Variants in PLPPR1 observed in about 807,000 individuals in gnomAD.
PLPPR1 encodes phospholipid phosphatase related 1, also known as phospholipid phosphatase-related protein type 1.
Under a neutral mutation model 33.1 loss-of-function variants are expected in PLPPR1, and 10 were observed. The observed-to-expected ratio is 0.30, with a 90% CI of 0.19 to 0.51. PLPPR1 has a LOEUF of 0.51. PLPPR1 is among the 20% of genes least tolerant of loss of function. The pLI is 0.97. For missense variants in PLPPR1, 304 were observed against 408.1 expected (o/e 0.74, Z 2.20); for synonymous variants, 151 against 151.0 (o/e 1.00, Z 0.00).
At chr9:101,143,459 A>T (rs1259752017) in intron 1 of PLPPR1, among the ~76,000 whole-genome samples, 1 of 152,188 alleles carries the variant, frequency 6.6e-6, no homozygotes, top group African/African-American at 2.4e-5. Context: ...GCTTCTGCAC[A>T]GCGAAATAAA....
intron 1 of PLPPR1, among the ~76,000 whole-genome samples, chr9:101,118,932 G>C (rs1468922083): frequency 6.6e-6 from 1 of 151,452 alleles, no homozygotes; most frequent in Non-Finnish European, 1.5e-5. Context: ...CAAAGACATG[G>C]CAGGTAAAAT....
At chr9:101,165,882 C>T (rs975305286) in intron 1 of PLPPR1, among the ~76,000 whole-genome samples, 25 of 152,280 alleles carry the variant, frequency 1.6e-4, no homozygotes, top group African/African-American at 6.0e-4. Flanking sequence ...TTTGAATTCA[C>T]TCTCCTGCCT....
intron 1 of PLPPR1, among the ~76,000 whole-genome samples, chr9:101,092,688 G>A (rs2118534808): frequency 6.6e-6 from 1 of 152,152 alleles, no homozygotes; most frequent in Non-Finnish European, 1.5e-5. Flanking sequence ...CTCGGCTCAG[G>A]GCTCACCTCT....
At chr9:101,040,062 G>A (rs1433766452) in intron 1 of PLPPR1, among the ~76,000 whole-genome samples, 1 of 152,090 alleles carries the variant, frequency 6.6e-6, no homozygotes, top group East Asian at 1.9e-4. Context: ...ATAGCAAGAG[G>A]TGGGAAAATG....
At chr9:101,157,462 A>G (rs569587631) in intron 1 of PLPPR1, among the ~76,000 whole-genome samples, 1 of 152,324 alleles carries the variant, frequency 6.6e-6, no homozygotes, top group South Asian at 2.1e-4. Flanking sequence ...TAAAAGAGTC[A>G]TCAATCCTGA....
chr9:101,238,331 A>ACAT (rs1827372813), intron 2 of PLPPR1, among the ~76,000 whole-genome samples: 2 of 118,446 alleles, frequency 1.7e-5, no homozygotes, highest in African/African-American at 3.5e-5. Flanking sequence ...ATGTATATAT[A>ACAT]CCTCTCTATA....
At chr9:101,122,522 T>C (rs1262512419) in intron 1 of PLPPR1, among the ~76,000 whole-genome samples, 2 of 152,202 alleles carry the variant, frequency 1.3e-5, no homozygotes, top group Admixed American at 6.5e-5. Context: ...TCAAAATCTC[T>C]GCAAGCTTTA....
chr9:101,130,699 T>C (rs189615650), intron 1 of PLPPR1, among the ~76,000 whole-genome samples: 142 of 152,326 alleles, frequency 9.3e-4, no homozygotes, highest in African/African-American at 3.2e-3. Context: ...AAATCACTTC[T>C]GGGCGCTTAT....
intron 2 of PLPPR1, among the ~76,000 whole-genome samples, chr9:101,196,517 T>C (rs757788134): frequency 1.1e-4 from 16 of 152,216 alleles, no homozygotes; most frequent in Non-Finnish European, 2.4e-4. Flanking sequence ...AGAGTATTGG[T>C]TTTAAAATTC....
chr9:101,068,471 AT>A (rs534606165), intron 1 of PLPPR1, among the ~76,000 whole-genome samples: 15 of 151,940 alleles, frequency 9.9e-5, no homozygotes, highest in South Asian at 6.2e-4. Context: ...CATTTTCAAT[AT>A]TTTTTTTCTC....
chr9:101,048,011 G>C (rs1481455338), intron 1 of PLPPR1, among the ~76,000 whole-genome samples: 3 of 152,160 alleles, frequency 2.0e-5, no homozygotes, highest in African/African-American at 7.2e-5. Flanking sequence ...ATACCGGTAG[G>C]TGGACCCCAG....
chr9:101,173,664 C>A (rs759963429), intron 1 of PLPPR1, among the ~76,000 whole-genome samples: 8 of 152,108 alleles, frequency 5.3e-5, no homozygotes, highest in African/African-American at 7.2e-5. Flanking sequence ...AGTTTCTTCA[C>A]CAGCTCAAAA....
At chr9:101,181,154 ATG>A (rs1283404001) in intron 1 of PLPPR1, among the ~76,000 whole-genome samples, 1 of 147,390 alleles carries the variant, frequency 6.8e-6, no homozygotes, top group African/African-American at 2.5e-5. Flanking sequence ...TATATTAGAT[ATG>A]TAATATATAT....
At chr9:101,208,297 T>C (rs1400095319) in intron 2 of PLPPR1, among the ~76,000 whole-genome samples, 2 of 43,248 alleles carry the variant, frequency 4.6e-5, no homozygotes, top group African/African-American at 1.1e-4. Flanking sequence ...AAGGTGTGGT[T>C]GTCACACAGT....
chr9:101,295,305 T>C (rs1474201298), intron 4 of PLPPR1, among the ~76,000 whole-genome samples: 5 of 151,652 alleles, frequency 3.3e-5, no homozygotes, highest in Admixed American at 1.3e-4. Context: ...TAAAAGAGGA[T>C]ACAAACAAAT....
intron 1 of PLPPR1, among the ~76,000 whole-genome samples, chr9:101,146,498 A>G (rs1282761047): frequency 6.6e-6 from 1 of 152,214 alleles, no homozygotes; most frequent in African/African-American, 2.4e-5. Flanking sequence ...GAAAGGCAGG[A>G]TGTTTCAAAA....
chr9:101,171,779 G>A (rs1478472714), intron 1 of PLPPR1, among the ~76,000 whole-genome samples: 1 of 152,076 alleles, frequency 6.6e-6, no homozygotes, highest in East Asian at 1.9e-4. Flanking sequence ...GAAATTAAAT[G>A]CAAATTAATT....
intron 2 of PLPPR1, among the ~76,000 whole-genome samples, chr9:101,208,344 T>G (rs1826627044): frequency 6.6e-6 from 1 of 152,210 alleles, no homozygotes; most frequent in African/African-American, 2.4e-5. Flanking sequence ...GGAGAATGTC[T>G]CTTGAACCTG....
intron 3 of PLPPR1, among the ~76,000 whole-genome samples, chr9:101,273,451 T>C (rs1248530704): frequency 6.6e-6 from 1 of 152,184 alleles, no homozygotes; most frequent in East Asian, 1.9e-4. Context: ...TCCTCTGAAA[T>C]GTATGTAGCC....
Sources: allele counts gnomAD v4.1 joint callset (sites outside exome capture counted in the v4.1 genomes callset), GRCh38; gene constraint gnomAD v4.1.1; transcripts MANE v1.5; gene names NCBI Gene and HGNC (gene_info 2026-07-23, HGNC 2026-07-21).